SMN1: variants seen among roughly 807,000 people sequenced by gnomAD.
SMN1 encodes the protein survival motor neuron protein.
For missense variants in SMN1, 15 were observed against 17.1 expected (o/e 0.88, Z 0.22); for synonymous variants, 3 against 5.1 (o/e 0.58, Z 0.56).
At chr5:70,960,412 G>T in the SMN1 span, among the ~76,000 whole-genome samples, 2 of 149,388 alleles carry the variant, frequency 1.3e-5, no homozygotes, top group African/African-American at 4.9e-5. Flanking sequence ...CCCAGCTGGG[G>T]TTGAACAGTG....
Position 70,952,119 on chromosome 5 carries a change from A to T in SMN1, c.*3+125A>T, listed in dbSNP as rs528159367. On this transcript the variant is annotated intron_variant, in intron 8 of 8. Transcript: ENST00000380707. ...AAAAGTTGAAAGGTTAATGTAAAAC[A>T]ATCAATATTAAAGAATTTTGATGCC... is the stretch of plus-strand genomic sequence containing the variant. 3.3e-6 allele frequency: 5 copies of T among 1,530,500 alleles called. No homozygotes were observed. The East Asian group carries it at 1.2e-4, about 36-fold the overall frequency. The allele number at this position is 1,530,500 out of a possible 1,614,324, so 94.8% of individuals were successfully genotyped here.
At chr5:70,959,380 C>T in the SMN1 span, among the ~76,000 whole-genome samples, 6 of 147,404 alleles carry the variant, frequency 4.1e-5, no homozygotes, top group Admixed American at 4.1e-4. Context: ...ACATTGTGCA[C>T]ATGTACCCTA....
downstream of SMN1, among the ~76,000 whole-genome samples, chr5:70,958,695 C>G (rs1230603422): frequency 7.5e-6 from 1 of 133,052 alleles, no homozygotes; most frequent in African/African-American, 2.7e-5. Flanking sequence ...GTTATAATTT[C>G]TGTTCTTTTA....
At chr5:70,959,008 A>G in the SMN1 span, among the ~76,000 whole-genome samples, 1 of 150,726 alleles carries the variant, frequency 6.6e-6, no homozygotes, top group African/African-American at 2.4e-5. Context: ...AACGAACCCA[A>G]ATGTCCAACA....
At chr5:70,955,691 A>G (rs921474817), downstream of SMN1, among the ~76,000 whole-genome samples, 3 of 148,074 alleles carry the variant, frequency 2.0e-5, no homozygotes, top group South Asian at 2.2e-4. Flanking sequence ...AGGCTGAAGC[A>G]TGAGAATCAC....
chr5:70,955,214 CAA>C (rs1167729048), downstream of SMN1, among the ~76,000 whole-genome samples: 2 of 107,900 alleles, frequency 1.9e-5, no homozygotes, highest in African/African-American at 3.2e-5. Flanking sequence ...GACCCTGTCT[CAA>C]AAAAAAAAAC....
rs562235784 is a variant in SMN1 at position 70,944,228 on chromosome 5, CAG to C, written c.628-429_628-428del. 1.5e-3 allele frequency among the ~76,000 whole-genome samples: 222 copies of C among 151,774 alleles called. 1 individual carries two copies. The highest frequency in any genetic ancestry group is 3.4e-3 in the Middle Eastern group (1 of 294). On this transcript the variant is annotated intron_variant, in intron 5 of 8. Transcript: ENST00000380707. ...TATATACATCATGCTTCATTGGTCTCAGGGGGCTGATTTTTATAAGGAGAGAT... is the reference window on the plus strand; with the variant it reads ...TATATACATCATGCTTCATTGGTCTCGGGGCTGATTTTTATAAGGAGAGAT...
At chr5:70,956,876 G>C (rs1383704994), downstream of SMN1, among the ~76,000 whole-genome samples, 9 of 135,562 alleles carry the variant, frequency 6.6e-5, no homozygotes, top group Non-Finnish European at 8.1e-5. Context: ...GCTTGATGGG[G>C]ATGGCATTGA....
At position 70,951,957 on chromosome 5, in the gene SMN1, A is replaced by C. The variant is rs761035766; in HGVS notation, c.851A>C (p.Gln284Pro). 1.9e-6 allele frequency: 3 copies of C among 1,613,152 alleles called. No homozygotes were observed. Residue 284 changes from glutamine (Q) to proline (P), a missense_variant, in exon 8 of 9, where the codon CAA (glutamine) becomes CCA (proline). Gln to Pro is a moderately conservative substitution (Grantham distance 76). Coordinates refer to ENST00000380707, the MANE Select transcript of SMN1 (RefSeq NM_000344.4). The part of the protein sequence containing the change: ...TGYYMGFRQN[Q>P]KEGRCSHSLN ...TCCTTACAGGGTTTCAGACAAAATCAAAAAGAAGGAAGGTGCTCACATTCC... is the reference window on the plus strand; with the variant it reads ...TCCTTACAGGGTTTCAGACAAAATCCAAAAGAAGGAAGGTGCTCACATTCC...
chr5:70,957,462 A>G (rs1344483016), downstream of SMN1, among the ~76,000 whole-genome samples: 2 of 148,118 alleles, frequency 1.4e-5, no homozygotes, highest in South Asian at 2.2e-4. Flanking sequence ...TTTGTCATAG[A>G]TAGCTCTTAT....
At chr5:70,956,749 T>C (rs1324349578), downstream of SMN1, among the ~76,000 whole-genome samples, 1 of 150,228 alleles carries the variant, frequency 6.7e-6, no homozygotes, top group Non-Finnish European at 1.5e-5. Context: ...TCAGGTAGCG[T>C]GATGCCTCCA....
chr5:70,960,920 C>G, the SMN1 span, among the ~76,000 whole-genome samples: 1 of 143,668 alleles, frequency 7.0e-6, no homozygotes, highest in African/African-American at 2.5e-5. Context: ...CAGTCTTGAA[C>G]TCCTGACCTC....
downstream of SMN1, among the ~76,000 whole-genome samples, chr5:70,955,237 CAACA>C (rs1749873785): frequency 7.0e-6 from 1 of 142,792 alleles, no homozygotes; most frequent in African/African-American, 2.5e-5. Context: ...CAAACCAAAG[CAACA>C]AACAAAAAAC....
chr5:70,956,711 C>G (rs212203), downstream of SMN1, among the ~76,000 whole-genome samples: 8 of 150,150 alleles, frequency 5.3e-5, no homozygotes, highest in African/African-American at 2.0e-4. Context: ...CTGTTTTGGT[C>G]ACTGTAGCCT....
downstream of SMN1, among the ~76,000 whole-genome samples, chr5:70,957,599 GT>G (rs1333622361): frequency 2.2e-5 from 3 of 136,614 alleles, no homozygotes; most frequent in Admixed American, 7.4e-5. Flanking sequence ...CTTTGGTTCT[GT>G]TTATATGCTG....
At chr5:70,950,962 C>A (rs540977118) in intron 7 of SMN1, among the ~76,000 whole-genome samples, 2 of 151,810 alleles carry the variant, frequency 1.3e-5, no homozygotes, top group Admixed American at 6.6e-5. Context: ...TTAGTAGAGT[C>A]GGGGTTTCTC....
chr5:70,959,093 C>T, the SMN1 span, among the ~76,000 whole-genome samples: 6 of 150,534 alleles, frequency 4.0e-5, no homozygotes, highest in African/African-American at 1.5e-4. Flanking sequence ...ATGATGAGTT[C>T]ATGTCCTTTG....
At chr5:70,960,009 A>G in the SMN1 span, among the ~76,000 whole-genome samples, 1 of 141,182 alleles carries the variant, frequency 7.1e-6, no homozygotes, top group Non-Finnish European at 1.6e-5. Flanking sequence ...CTATATTTAT[A>G]CCAACATGGA....
At chr5:70,952,118 C>G (rs560975018) in intron 8 of SMN1, 124 bp downstream of exon 8, 2 of 1,535,680 alleles carry the variant, frequency 1.3e-6, no homozygotes, top group East Asian at 2.3e-5. Flanking sequence ...TAATGTAAAA[C>G]AATCAATATT....
Sources: gnomAD v4.1 joint callset for allele counts (sites outside exome capture counted in the v4.1 genomes callset) on GRCh38, gnomAD v4.1.1 for gene constraint, MANE v1.5 for transcripts, NCBI Gene and HGNC (gene_info 2026-07-23, HGNC 2026-07-21) for gene names.